NEK1: variants seen among roughly 807,000 people sequenced by gnomAD.
The protein encoded by NEK1 is NIMA related kinase 1.
A neutral mutation model predicts 182.1 loss-of-function variants in NEK1; 137 were observed. That is an observed-to-expected ratio of 0.75 (90% CI 0.65 to 0.87). The LOEUF (loss-of-function observed/expected upper bound fraction) is 0.87. Among genes scored for constraint, NEK1 ranks in the 40% least tolerant of loss-of-function variants. The probability of loss-of-function intolerance (pLI) is 0.00; values close to 1 mark genes in which losing one functional copy is unlikely to be tolerated. For missense variants in NEK1, 1,391 were observed against 1,494.4 expected (o/e 0.93, Z 1.14); for synonymous variants, 513 against 492.2 (o/e 1.04, Z -0.56).
In NEK1 at chr4:169,477,234, T is replaced by C; in HGVS notation, c.2324A>G (p.His775Arg). ...EINVHEDAKE[H>R]EKEKSVSSDR... The stretch of plus-strand genomic sequence containing the variant: ...AGATGAAACTGATTTTTCTTTTTCA[T>C]GCTCTTTGGCATCTTCATGAACATT... The change falls in exon 26 of 36, where the codon CAT becomes CGT. Residue 775 changes from histidine to arginine, a missense_variant. His to Arg is a conservative substitution (Grantham distance 29). Coordinates refer to ENST00000507142, the MANE Select transcript of NEK1 (RefSeq NM_001199397.3). The C allele has an allele frequency of 6.2e-7, 1 of 1,604,206 alleles. No individual in the cohort carries two copies. Among genetic ancestry groups the C allele is most frequent in the South Asian group, 1.1e-5 (1 of 89,386 alleles).
At chr4:169,582,567 T>C (rs746442041) in intron 10 of NEK1, among the ~76,000 whole-genome samples, 3 of 152,194 alleles carry the variant, frequency 2.0e-5, no homozygotes, top group Non-Finnish European at 2.9e-5. Flanking sequence ...TTCTTTTTCT[T>C]GGAAGAAAAC....
chr4:169,502,011 TG>T (rs983864146), intron 23 of NEK1, among the ~76,000 whole-genome samples: 7 of 151,348 alleles, frequency 4.6e-5, no homozygotes, highest in African/African-American at 1.7e-4. Context: ...GATTAACACA[TG>T]AAAAAAAGAG....
In NEK1 at chr4:169,548,130, A is replaced by C. The variant is rs556213141; in HGVS notation, c.1562+7590T>G. Among the ~76,000 whole-genome samples, 8 of 152,226 alleles carry C rather than the reference A, an allele frequency of 5.3e-5. No individual in the cohort carries two copies. In the East Asian group the frequency reaches 1.5e-3, roughly 29 times the overall value. Reference sequence around the variant, plus strand: ...GGATTTATCCACCTTTGGTCTCTGAAGTTGGCGACCTTCAGATGGGGTCTC... The same window carrying C: ...GGATTTATCCACCTTTGGTCTCTGACGTTGGCGACCTTCAGATGGGGTCTC... On this transcript the variant is annotated intron_variant, in intron 18 of 35. Transcript: ENST00000507142.
intron 5 of NEK1, among the ~76,000 whole-genome samples, chr4:169,594,680 A>C (rs903346062): frequency 6.6e-6 from 1 of 152,210 alleles, no homozygotes; most frequent in African/African-American, 2.4e-5. Flanking sequence ...TTGTTAGAAA[A>C]AAAATTTTCA....
rs146739235 is a variant in NEK1 at position 169,557,061 on chromosome 4, T to C, written c.1267-966A>G. 1.5e-3 allele frequency among the ~76,000 whole-genome samples: 234 copies of C among 152,292 alleles called. 2 individuals carry two copies. The highest frequency in any genetic ancestry group is 4.7e-3 in the African/African-American group (194 of 41,560). On this transcript the variant is annotated intron_variant, in intron 16 of 35. Transcript: ENST00000507142. ...CAATAGAAAGGATTTATAAAGTTTC[T>C]AGCAGCAGTAGTATATCAACAGAGT...
intron 10 of NEK1, among the ~76,000 whole-genome samples, chr4:169,581,302 T>C (rs969497239): frequency 6.6e-6 from 1 of 152,176 alleles, no homozygotes; most frequent in African/African-American, 2.4e-5. Flanking sequence ...GGGTCTCACT[T>C]TGTTGCTCAG....
intron 19 of NEK1, among the ~76,000 whole-genome samples, chr4:169,525,276 G>A (rs889259807): frequency 5.9e-5 from 9 of 151,906 alleles, no homozygotes; most frequent in African/African-American, 1.2e-4. Context: ...TTACAGGCAC[G>A]CACCACCATG....
intron 26 of NEK1, among the ~76,000 whole-genome samples, chr4:169,466,153 A>C (rs1256395886): frequency 6.6e-6 from 1 of 152,054 alleles, no homozygotes; most frequent in Non-Finnish European, 1.5e-5. Flanking sequence ...AGAAAACATT[A>C]ATAAGATCCA....
intron 5 of NEK1, among the ~76,000 whole-genome samples, chr4:169,592,764 T>C (rs1768757566): frequency 6.6e-6 from 1 of 152,022 alleles, no homozygotes; most frequent in South Asian, 2.1e-4. Context: ...CATAGATTGT[T>C]AAGTTCCTTT....
At chr4:169,473,206 C>T (rs912091169) in intron 26 of NEK1, among the ~76,000 whole-genome samples, 1 of 149,080 alleles carries the variant, frequency 6.7e-6, no homozygotes, top group Admixed American at 6.7e-5. Flanking sequence ...TTTTAAGATA[C>T]AGTCAGCCAT....
At chr4:169,454,731 G>T (rs1223586624) in intron 27 of NEK1, among the ~76,000 whole-genome samples, 1 of 152,192 alleles carries the variant, frequency 6.6e-6, no homozygotes, top group Non-Finnish European at 1.5e-5. Flanking sequence ...ACTGTTGGTG[G>T]GAGTGTAAAT....
rs1730348576 is a variant in NEK1, at chr4:169,394,317, C to T, written c.*193G>A. ...AGATTTAACCATGGAATTCAATGAA[C>T]AAAATAGATAAAATATTAGAATCTT... On this transcript the variant is annotated 3_prime_UTR_variant, in exon 36 of 36. Transcript: ENST00000507142. 4.3e-6 allele frequency: 2 copies of T among 465,370 alleles called. No homozygotes were observed. Among genetic ancestry groups the T allele is most frequent in the East Asian group, 7.7e-5 (2 of 26,064 alleles). 28.8% of individuals were successfully genotyped at this position (465,370 alleles called of 1,614,324 possible). A position where few individuals can be genotyped will look rare whatever the true frequency, so the allele number is the denominator to read the frequency against.
At chr4:169,535,538 C>T (rs539752775) in intron 19 of NEK1, among the ~76,000 whole-genome samples, 4 of 151,454 alleles carry the variant, frequency 2.6e-5, no homozygotes, top group African/African-American at 9.7e-5. Context: ...TATATGTGTA[C>T]CAGAGACCTA....
intron 31 of NEK1, among the ~76,000 whole-genome samples, chr4:169,407,310 C>T (rs2111111721): frequency 6.6e-6 from 1 of 152,340 alleles, no homozygotes; most frequent in South Asian, 2.1e-4. Flanking sequence ...ACATAACTGA[C>T]AGCCCCTTGT....
At chr4:169,406,349 T>C (rs1346784386) in intron 32 of NEK1, among the ~76,000 whole-genome samples, 1 of 152,112 alleles carries the variant, frequency 6.6e-6, no homozygotes, top group African/African-American at 2.4e-5. Context: ...CCCTCTTTTT[T>C]ACATATAAAT....
At chr4:169,417,663 C>A (rs1734776573) in intron 31 of NEK1, among the ~76,000 whole-genome samples, 1 of 152,192 alleles carries the variant, frequency 6.6e-6, no homozygotes, top group South Asian at 2.1e-4. Flanking sequence ...TCACATTTAT[C>A]TTCTGGAGAC....
At chr4:169,585,315 C>T (rs1448105108) in intron 10 of NEK1, 34 bp downstream of exon 10, 2 of 1,534,170 alleles carry the variant, frequency 1.3e-6, no homozygotes, top group Non-Finnish European at 1.8e-6. Flanking sequence ...GCAACATAAC[C>T]CTACTGTTTA....
At chr4:169,492,850 G>T (rs1425702673) in intron 23 of NEK1, among the ~76,000 whole-genome samples, 1 of 152,150 alleles carries the variant, frequency 6.6e-6, no homozygotes, top group Non-Finnish European at 1.5e-5. Flanking sequence ...GCCTGTCAAA[G>T]CCACCAATGG....
intron 16 of NEK1, among the ~76,000 whole-genome samples, chr4:169,557,627 T>C (rs1762341798): frequency 6.6e-6 from 1 of 151,984 alleles, no homozygotes; most frequent in African/African-American, 2.4e-5. Context: ...TTAAGGAAAA[T>C]GCCTGGTTAA....
Sources: allele counts gnomAD v4.1 joint callset (sites outside exome capture counted in the v4.1 genomes callset), GRCh38; gene constraint gnomAD v4.1.1; transcripts MANE v1.5; gene names NCBI Gene and HGNC (gene_info 2026-07-23, HGNC 2026-07-21).